Variants in SLC15A3 observed in about 807,000 individuals in gnomAD.
The protein encoded by SLC15A3 is osteoclast transporter.
Under a neutral mutation model 49.2 loss-of-function variants are expected in SLC15A3, and 39 were observed. The ratio of observed to expected loss-of-function variants is 0.79; its 90% CI spans 0.61 to 1.04. The LOEUF (loss-of-function observed/expected upper bound fraction) is 1.04, where lower values mean the gene tolerates loss of function less well. Among genes scored for constraint, SLC15A3 ranks in the 50% least tolerant of loss-of-function variants. The pLI is 0.00. For missense variants in SLC15A3, 758 were observed against 794.8 expected, an observed-to-expected ratio of 0.95 and a Z score of 0.56; for synonymous variants, 339 against 367.0, an observed-to-expected ratio of 0.92 and a Z score of 0.87.
In SLC15A3 at chr11:60,951,512, C is replaced by G; in HGVS notation, c.40G>C (p.Gly14Arg). Residue 14 changes from glycine to arginine, a missense_variant, in exon 1 of 8, where the codon GGG (glycine) becomes CGG (arginine). This residue lies in a region of SLC15A3 where 28 missense variants were observed against 29.7 expected (regional missense o/e 0.94). Coordinates refer to ENST00000227880, the MANE Select transcript of SLC15A3 (RefSeq NM_016582.3). ...PRAREQPRVP[G>R]ERQPLLPRGA... ...CGAGGCAGCAGCGGCTGGCGCTCCC[C>G]GGGCACGCGGGGCTGCTCCCGGGCG... 1 of 1,218,326 alleles carries G rather than the reference C, an allele frequency of 8.2e-7. No homozygotes were observed. Among genetic ancestry groups the G allele is most frequent in the Non-Finnish European group, 1.0e-6 (1 of 975,588 alleles). The allele number at this position is 1,218,326 out of a possible 1,614,324, so 75.5% of individuals were successfully genotyped here.
At chr11:60,938,116 C>G in intron 6 of SLC15A3, 91 bp from the exon 7 acceptor site, 1 of 1,444,228 alleles carries the variant, frequency 6.9e-7, no homozygotes. Flanking sequence ...ACCCTGCCCC[C>G]ACCAAGCCAC....
chr11:60,950,786 G>A (rs1429397022), intron 1 of SLC15A3, among the ~76,000 whole-genome samples: 1 of 152,154 alleles, frequency 6.6e-6, no homozygotes, highest in Non-Finnish European at 1.5e-5. Flanking sequence ...GTGAAACTCC[G>A]TCTCAAAAAA....
intron 3 of SLC15A3, chr11:60,942,365 C>T: frequency 2.0e-6 from 1 of 494,820 alleles, no homozygotes; most frequent in Non-Finnish European, 3.7e-6. Flanking sequence ...GCAGTGCGTG[C>T]AGCCTTATCC....
In SLC15A3 at chr11:60,939,625, C is replaced by T; in HGVS notation, c.1290G>A (p.Met430Ile). Residue 430 changes from methionine (M) to isoleucine (I), a missense_variant, in exon 6 of 8, where the codon ATG (methionine) becomes ATA (isoleucine). Physicochemically the swap from Met to Ile is conservative, Grantham distance 10. Transcript: ENST00000227880. Reference protein sequence around the residue: ...TSVIVAGVLEMERLHYIHHNE... With the variant: ...TSVIVAGVLEIERLHYIHHNE... The stretch of plus-strand genomic sequence containing the variant: ...TGTGGTGGATGTAGTGTAAGCGCTC[C>T]ATCTCCAGGACTCCTGGTGGAGGAG... 1 of 1,614,110 alleles carries T rather than the reference C, an allele frequency of 6.2e-7. No individual in the cohort carries two copies. Among genetic ancestry groups the T allele is most frequent in the South Asian group, 1.1e-5 (1 of 91,080 alleles).
At chr11:60,946,871 T>A (rs1037724779) in intron 1 of SLC15A3, 50 bp from the exon 2 acceptor site, 2 of 1,555,788 alleles carry the variant, frequency 1.3e-6, no homozygotes, top group Admixed American at 1.8e-5. Context: ...TCCGGGGCAC[T>A]CTCTGTACCC....
intron 3 of SLC15A3, chr11:60,943,016 A>C (rs1727890026): frequency 2.6e-5 from 4 of 152,094 alleles, no homozygotes. Context: ...CCCACTGAGG[A>C]GTAATATGGT....
intron 2 of SLC15A3, among the ~76,000 whole-genome samples, 191 bp from the exon 3 acceptor site, chr11:60,944,027 C>T (rs532703452): frequency 5.3e-5 from 8 of 152,262 alleles, no homozygotes; most frequent in Admixed American, 2.6e-4. Flanking sequence ...GCTGTTTTGG[C>T]GTGCACCTGT....
chr11:60,938,021 C>T lies in SLC15A3; in HGVS notation c.1440G>A (p.Leu480=). The part of the protein sequence containing the change: ...ISEIFASIPG[L]EFAYSEAPRS... ...GCGGGGCCTCTGAGTAGGCAAACTC[C>T]AGGCCTGCAGAGGGGGAGCAGAGAC... Residue 480 remains leucine, a synonymous_variant, in exon 7 of 8, where the codon CTG becomes CTA. Transcript: ENST00000227880. 1 of 1,613,638 alleles carries T rather than the reference C, an allele frequency of 6.2e-7. No individual in the cohort carries two copies. Among genetic ancestry groups the T allele is most frequent in the South Asian group, 1.1e-5 (1 of 91,022 alleles).
rs1473412444 is a variant in SLC15A3, at chr11:60,951,194, C to T, written c.358G>A (p.Ala120Thr). The stretch of plus-strand genomic sequence containing the variant: ...CTGCGGCCGTCGGGGAAGGCGGTGG[C>T]GGGCAGCAGGCCCGAGGCGGCCAGG... ...LYLAASGLLP[A>T]TAFPDGRSSF... Residue 120 changes from alanine (A) to threonine (T), a missense_variant, in exon 1 of 8, where the codon GCC (alanine) becomes ACC (threonine). By Grantham distance (58) the Ala-to-Thr change is moderately conservative. Around this residue, in one of 3 missense-constraint regions of SLC15A3, gnomAD observed 699 missense variants for 706.7 expected, o/e 0.99. Coordinates refer to ENST00000227880, the MANE Select transcript of SLC15A3 (RefSeq NM_016582.3). The T allele has an allele frequency of 2.7e-6, 4 of 1,497,914 alleles. No homozygotes were observed. Among genetic ancestry groups the T allele is most frequent in the South Asian group, 1.3e-5 (1 of 79,870 alleles). The allele number at this position is 1,497,914 out of a possible 1,614,324, so 92.8% of individuals were successfully genotyped here. A position where few individuals can be genotyped will look rare whatever the true frequency, so the allele number is the denominator to read the frequency against.
intron 2 of SLC15A3, among the ~76,000 whole-genome samples, chr11:60,945,062 T>A (rs1340180903): frequency 1.3e-5 from 2 of 152,234 alleles, no homozygotes; most frequent in African/African-American, 4.8e-5. Context: ...TGTGACAGCT[T>A]TGACCTGTTA....
chr11:60,941,050 C>T, intron 5 of SLC15A3, 72 bp downstream of exon 5: 1 of 1,503,722 alleles, frequency 6.7e-7, no homozygotes, highest in Non-Finnish European at 9.0e-7. Context: ...ACCACTTCAG[C>T]ATCAGCCCAT....
At position 60,949,558 on chromosome 11, in the gene SLC15A3, A is replaced by G. The variant is rs556059771; in HGVS notation, c.558+1436T>C. On this transcript the variant is annotated intron_variant, in intron 1 of 7. Transcript: ENST00000227880. ...AAAGAAAGAAAGAAAGAAAGAAAGA[A>G]AGAAAGAAAGAAAAGAGATGGCCAG... is the stretch of plus-strand genomic sequence containing the variant. Among the ~76,000 whole-genome samples, 27 of 72,594 alleles carry G rather than the reference A, an allele frequency of 3.7e-4. 1 individual carries two copies. The highest frequency in any genetic ancestry group is 7.4e-4 in the African/African-American group (26 of 34,962). 47.6% of individuals were successfully genotyped at this position (72,594 alleles called of 152,430 possible).
chr11:60,948,946 G>A lies in SLC15A3; in HGVS notation c.558+2048C>T, dbSNP rs12576937. 4.7e-3 allele frequency among the ~76,000 whole-genome samples: 723 copies of A among 152,334 alleles called. 20 individuals carry two copies. Among genetic ancestry groups the A allele is most frequent in the East Asian group, 0.045 (233 of 5,188 alleles). On this transcript the variant is annotated intron_variant, in intron 1 of 7. Coordinates refer to ENST00000227880, the MANE Select transcript of SLC15A3 (RefSeq NM_016582.3). Reference sequence around the variant, plus strand: ...ACTGGGTTGGGGGTGCTAGTGGGATGTCAATGAAATAATAGGATTAAAGGA... The same window carrying A: ...ACTGGGTTGGGGGTGCTAGTGGGATATCAATGAAATAATAGGATTAAAGGA...
At chr11:60,938,626 C>T (rs1292206307) in intron 6 of SLC15A3, among the ~76,000 whole-genome samples, 6 of 152,130 alleles carry the variant, frequency 3.9e-5, no homozygotes, top group Non-Finnish European at 5.9e-5. Flanking sequence ...GCAGGCTCAG[C>T]GCACAAAGCC....
chr11:60,939,463 G>T lies in SLC15A3; in HGVS notation c.1435+17C>A. ...GCCCATCACTGGTGCAGGAGCAGGG[G>T]AGGGGATCCAGGGTACCTGGGATGC... On this transcript the variant is annotated intron_variant, in intron 6 of 7. Transcript: ENST00000227880. The T allele has an allele frequency of 6.2e-7, 1 of 1,613,224 alleles. No homozygotes were observed. The highest frequency in any genetic ancestry group is 8.5e-7 in the Non-Finnish European group (1 of 1,179,442).
intron 5 of SLC15A3, 48 bp from the exon 6 acceptor site, chr11:60,939,686 C>CT (rs778231282): frequency 5.4e-5 from 86 of 1,600,618 alleles, no homozygotes; most frequent in Non-Finnish European, 7.1e-5. Flanking sequence ...CCCCAGGCAG[C>CT]TTAGCCCACA....
At chr11:60,939,337 G>T in intron 6 of SLC15A3, 143 bp downstream of exon 6, 1 of 957,620 alleles carries the variant, frequency 1.0e-6, no homozygotes, top group Non-Finnish European at 1.6e-6. Flanking sequence ...ACCCCCGTTG[G>T]GTGAATGAGC....
chr11:60,948,545 C>G (rs931002047), intron 1 of SLC15A3, among the ~76,000 whole-genome samples: 6 of 151,546 alleles, frequency 4.0e-5, no homozygotes, highest in Non-Finnish European at 8.8e-5. Flanking sequence ...TGACTGCCCC[C>G]CTGAATTCTG....
chr11:60,938,976 A>G (rs950657193), intron 6 of SLC15A3, among the ~76,000 whole-genome samples: 4 of 151,622 alleles, frequency 2.6e-5, no homozygotes, highest in Admixed American at 2.0e-4. Context: ...CCAGCCTTGC[A>G]GCTCTAGCTC....
Sources: gnomAD v4.1 joint callset for allele counts (sites outside exome capture counted in the v4.1 genomes callset) on GRCh38, gnomAD v4.1.1 for gene constraint, gnomAD v4.1.1 regional missense constraint, MANE v1.5 for transcripts, NCBI Gene and HGNC (gene_info 2026-07-23, HGNC 2026-07-21) for gene names.